COL24A1: variants seen among roughly 807,000 people sequenced by gnomAD.
The protein encoded by COL24A1 is collagen type XXIV alpha 1 chain.
A neutral mutation model predicts 253.9 loss-of-function variants in COL24A1; 224 were observed. That is an observed-to-expected ratio of 0.88 (90% CI 0.79 to 0.99). The LOEUF (loss-of-function observed/expected upper bound fraction) is 0.99, where lower values mean the gene tolerates loss of function less well. COL24A1 is among the 50% of genes least tolerant of loss of function. The pLI is 0.00. For missense variants in COL24A1, 2,131 were observed against 2,068.5 expected, an observed-to-expected ratio of 1.03 and a Z score of -0.59; for synonymous variants, 685 against 673.7, an observed-to-expected ratio of 1.02 and a Z score of -0.26.
chr1:85,746,536 C>T (rs1043457427), intron 55 of COL24A1, among the ~76,000 whole-genome samples: 4 of 151,972 alleles, frequency 2.6e-5, no homozygotes, highest in African/African-American at 4.8e-5. Flanking sequence ...ATCCTAATTA[C>T]CAATTGAGAT....
intron 53 of COL24A1, among the ~76,000 whole-genome samples, chr1:85,766,256 G>A (rs996493926): frequency 2.7e-5 from 4 of 150,870 alleles, no homozygotes; most frequent in African/African-American, 9.8e-5. Flanking sequence ...TGTAATCCCA[G>A]CTACTCAGGA....
intron 24 of COL24A1, among the ~76,000 whole-genome samples, chr1:85,933,110 G>A (rs5775879): frequency 0.15 from 9,858 of 66,252 alleles, 564 homozygotes; most frequent in Admixed American, 0.31. Flanking sequence ...AAGAAAGAAA[G>A]AAAAAAAAAA....
intron 1 of COL24A1, among the ~76,000 whole-genome samples, chr1:86,153,106 A>G (rs1652996898): frequency 1.3e-5 from 2 of 152,040 alleles, no homozygotes; most frequent in Non-Finnish European, 2.9e-5. Flanking sequence ...TGAGCTTTTT[A>G]TTGTTCCTTC....
At chr1:86,030,723 G>T (rs1263052647) in intron 14 of COL24A1, 1 of 151,888 alleles carries the variant, frequency 6.6e-6, no homozygotes, top group Admixed American at 6.6e-5. Context: ...CTGCCACAGT[G>T]GGCCAGGCTA....
At chr1:85,823,796 T>C (rs1673912084) in intron 43 of COL24A1, 58 bp from the exon 44 acceptor site, 5 of 1,443,960 alleles carry the variant, frequency 3.5e-6, no homozygotes, top group Non-Finnish European at 4.8e-6. Flanking sequence ...CTTAAGAGAA[T>C]AGGATACTAT....
chr1:86,022,668 G>A (rs1243531270), intron 16 of COL24A1, 77 bp from the exon 17 acceptor site: 3 of 1,433,730 alleles, frequency 2.1e-6, no homozygotes, highest in Non-Finnish European at 2.9e-6. Flanking sequence ...AATATTCATT[G>A]TAGAAGAATA....
At chr1:86,009,739 C>T (rs2101130196) in intron 19 of COL24A1, among the ~76,000 whole-genome samples, 1 of 152,196 alleles carries the variant, frequency 6.6e-6, no homozygotes, top group African/African-American at 2.4e-5. Context: ...ATATGACTGA[C>T]AACACAGTAG....
intron 5 of COL24A1, among the ~76,000 whole-genome samples, chr1:86,106,552 C>T (rs1316249714): frequency 6.6e-6 from 1 of 152,118 alleles, no homozygotes; most frequent in Non-Finnish European, 1.5e-5. Flanking sequence ...GATACAGACT[C>T]TACGTGCATT....
intron 43 of COL24A1, among the ~76,000 whole-genome samples, chr1:85,829,272 G>C (rs540734948): frequency 2.6e-5 from 4 of 152,096 alleles, no homozygotes; most frequent in South Asian, 4.1e-4. Flanking sequence ...CTGGCTTGTA[G>C]AGTTTCTGCC....
At chr1:86,010,324 G>T (rs554147802) in intron 19 of COL24A1, among the ~76,000 whole-genome samples, 12 of 152,180 alleles carry the variant, frequency 7.9e-5, no homozygotes, top group African/African-American at 2.9e-4. Flanking sequence ...CAAAGGTAAA[G>T]GGCTAATTTC....
At chr1:85,806,648 G>C (rs1672000112) in intron 47 of COL24A1, among the ~76,000 whole-genome samples, 1 of 149,586 alleles carries the variant, frequency 6.7e-6, no homozygotes, top group Non-Finnish European at 1.5e-5. Flanking sequence ...TTAGCTCATG[G>C]GCCATACAAA....
At chr1:85,817,518 G>T (rs893880247) in intron 46 of COL24A1, among the ~76,000 whole-genome samples, 1 of 151,814 alleles carries the variant, frequency 6.6e-6, no homozygotes, top group African/African-American at 2.4e-5. Context: ...CACCAGTAAA[G>T]TCTTTGCTAA....
chr1:86,122,557 A>G (rs949973156), intron 3 of COL24A1, among the ~76,000 whole-genome samples: 1 of 151,850 alleles, frequency 6.6e-6, no homozygotes, highest in African/African-American at 2.4e-5. Flanking sequence ...TAAATGTTTC[A>G]TTTTTCTCTC....
chr1:85,764,503 CA>C (rs1293034865), intron 53 of COL24A1, among the ~76,000 whole-genome samples: 1 of 132,716 alleles, frequency 7.5e-6, no homozygotes, highest in Admixed American at 7.6e-5. Context: ...CACACACACA[CA>C]CCATATTCCT....
At chr1:86,044,471 A>G (rs2101630915) in intron 12 of COL24A1, among the ~76,000 whole-genome samples, 1 of 152,332 alleles carries the variant, frequency 6.6e-6, no homozygotes, top group South Asian at 2.1e-4. Context: ...AGACTTTAAA[A>G]TAAACATTAG....
intron 32 of COL24A1, among the ~76,000 whole-genome samples, chr1:85,879,660 G>A (rs960741543): frequency 5.9e-5 from 9 of 152,126 alleles, no homozygotes; most frequent in African/African-American, 1.9e-4. Context: ...TATGTTATAT[G>A]TATTGTATAC....
At chr1:86,040,251 A>G (rs1294323788) in intron 12 of COL24A1, among the ~76,000 whole-genome samples, 2 of 151,944 alleles carry the variant, frequency 1.3e-5, no homozygotes, top group East Asian at 3.8e-4. Flanking sequence ...CCTAACTGCC[A>G]TATATGCACT....
At chr1:85,927,100 G>C in intron 24 of COL24A1, among the ~76,000 whole-genome samples, 1 of 152,150 alleles carries the variant, frequency 6.6e-6, no homozygotes, top group East Asian at 1.9e-4. Context: ...AATAGGAACA[G>C]CTCCGGTCTA....
At chr1:86,078,109 A>C (rs1257439882) in intron 7 of COL24A1, among the ~76,000 whole-genome samples, 1 of 152,172 alleles carries the variant, frequency 6.6e-6, no homozygotes, top group African/African-American at 2.4e-5. Context: ...ATTATGACCA[A>C]GTGGGATTTA....
Sources: allele counts gnomAD v4.1 joint callset (sites outside exome capture counted in the v4.1 genomes callset), GRCh38; gene constraint gnomAD v4.1.1; transcripts MANE v1.5; gene names NCBI Gene and HGNC (gene_info 2026-07-23, HGNC 2026-07-21).